The following MEI4 variants were observed in gnomAD, a reference collection of about 807,000 sequenced individuals.
The protein encoded by MEI4 is meiosis-specific protein MEI4.
In MEI4, 27 loss-of-function variants were observed where a neutral mutation model predicts 31.4. That is an observed-to-expected ratio of 0.86 (90% confidence interval 0.63 to 1.19). The LOEUF is 1.19. MEI4 is among the 50% of genes most tolerant of loss of function. The pLI is 0.00. For missense variants in MEI4, 329 were observed against 398.9 expected, an observed-to-expected ratio of 0.82 and a Z score of 1.49; for synonymous variants, 122 against 145.4, an observed-to-expected ratio of 0.84 and a Z score of 1.16.
chr6:77,712,924 T>C (rs1000888608), intron 2 of MEI4, among the ~76,000 whole-genome samples: 3 of 149,734 alleles, frequency 2.0e-5, no homozygotes, highest in Non-Finnish European at 3.0e-5. Flanking sequence ...TGAGCCGAGA[T>C]AGGGCCACTG....
At chr6:77,727,055 C>T (rs370198835) in intron 2 of MEI4, among the ~76,000 whole-genome samples, 1 of 152,070 alleles carries the variant, frequency 6.6e-6, no homozygotes, top group African/African-American at 2.4e-5. Flanking sequence ...TTTTTTGGTA[C>T]CTGCAAGATC....
chr6:77,905,287 C>T (rs1766268623), intron 4 of MEI4, among the ~76,000 whole-genome samples: 1 of 151,968 alleles, frequency 6.6e-6, no homozygotes, highest in Non-Finnish European at 1.5e-5. Flanking sequence ...TTACTAAAAA[C>T]TCCTTTTTCA....
At chr6:77,907,256 T>C (rs748821358) in intron 4 of MEI4, among the ~76,000 whole-genome samples, 7 of 152,092 alleles carry the variant, frequency 4.6e-5, no homozygotes, top group Non-Finnish European at 8.8e-5. Flanking sequence ...CATTTAACAT[T>C]AGGTATATCT....
At chr6:77,905,899 A>T (rs1228300459) in intron 4 of MEI4, among the ~76,000 whole-genome samples, 1 of 150,996 alleles carries the variant, frequency 6.6e-6, no homozygotes, top group Non-Finnish European at 1.5e-5. Context: ...TTGTTCCATA[A>T]ATTCAGTTTT....
At chr6:77,874,037 C>A (rs1017111975) in intron 4 of MEI4, among the ~76,000 whole-genome samples, 1 of 152,072 alleles carries the variant, frequency 6.6e-6, no homozygotes, top group Non-Finnish European at 1.5e-5. Flanking sequence ...GTCAGGTAGC[C>A]TGATGCCTCC....
At chr6:77,726,878 G>A (rs553240822) in intron 2 of MEI4, among the ~76,000 whole-genome samples, 6 of 152,142 alleles carry the variant, frequency 3.9e-5, no homozygotes, top group African/African-American at 4.8e-5. Context: ...ATAAAAAGGA[G>A]TGCTCAAAAG....
At chr6:77,826,416 T>C (rs975599387) in intron 3 of MEI4, among the ~76,000 whole-genome samples, 3 of 152,192 alleles carry the variant, frequency 2.0e-5, no homozygotes, top group African/African-American at 7.2e-5. Flanking sequence ...TGCAAGCACA[T>C]TGGATCTTAC....
intron 1 of MEI4, among the ~76,000 whole-genome samples, chr6:77,655,229 A>G (rs975446949): frequency 1.3e-5 from 2 of 152,216 alleles, no homozygotes; most frequent in African/African-American, 2.4e-5. Context: ...TCCAAAGGAC[A>G]TGAACTCATC....
intron 2 of MEI4, among the ~76,000 whole-genome samples, chr6:77,710,159 T>A (rs1023782297): frequency 2.0e-5 from 3 of 152,220 alleles, no homozygotes; most frequent in African/African-American, 7.2e-5. Context: ...CATTTAACCT[T>A]TTTAACAGTA....
intron 1 of MEI4, among the ~76,000 whole-genome samples, chr6:77,677,666 C>T (rs1041937199): frequency 2.0e-5 from 3 of 152,142 alleles, no homozygotes; most frequent in Non-Finnish European, 4.4e-5. Context: ...ATGTCCTCAC[C>T]TCAGCCTCAA....
chr6:77,750,386 C>G (rs1331444973), intron 2 of MEI4, among the ~76,000 whole-genome samples: 1 of 152,090 alleles, frequency 6.6e-6, no homozygotes, highest in East Asian at 1.9e-4. Context: ...ATCCCACATG[C>G]AAAGACACAC....
At chr6:77,745,493 A>G (rs1767569494) in intron 2 of MEI4, among the ~76,000 whole-genome samples, 1 of 152,194 alleles carries the variant, frequency 6.6e-6, no homozygotes. Flanking sequence ...ACCTACATAG[A>G]GACTTAGACT....
chr6:77,761,217 C>T lies in MEI4; in HGVS notation c.320C>T (p.Ser107Leu), dbSNP rs1424549035. The T allele has an allele frequency of 2.9e-5, 36 of 1,232,202 alleles. No individual in the cohort carries two copies. Among genetic ancestry groups the T allele is most frequent in the South Asian group, 8.2e-5 (2 of 24,316 alleles). 76.3% of individuals were successfully genotyped at this position (1,232,202 alleles called of 1,614,324 possible). ...TSMEDSGCDL[S>L]NEQRTESSDL... ...ATGGAAGATTCTGGATGTGATTTGTCGAATGAGCAGAGAACTGAATCCTCA... is the reference window on the plus strand; with the variant it reads ...ATGGAAGATTCTGGATGTGATTTGTTGAATGAGCAGAGAACTGAATCCTCA... The change falls in exon 3 of 5, where the codon TCG becomes TTG. Residue 107 changes from serine (S) to leucine (L), a missense_variant. By Grantham distance (145) the Ser-to-Leu change is moderately radical. Coordinates refer to ENST00000684080, the MANE Select transcript of MEI4 (RefSeq NM_001322247.2).
chr6:77,680,912 G>A (rs1316720849), intron 1 of MEI4, among the ~76,000 whole-genome samples: 2 of 152,142 alleles, frequency 1.3e-5, no homozygotes, highest in Non-Finnish European at 2.9e-5. Context: ...AAGAAAATCT[G>A]TCTGTGGGAC....
chr6:77,690,613 C>T (rs1025797289), intron 1 of MEI4, 45 bp from the exon 2 acceptor site: 17 of 953,212 alleles, frequency 1.8e-5, no homozygotes, highest in Non-Finnish European at 2.0e-5. Flanking sequence ...ATGCACTGCA[C>T]AAGTTAAAAA....
chr6:77,656,763 A>G (rs1336521895), intron 1 of MEI4, among the ~76,000 whole-genome samples: 1 of 152,180 alleles, frequency 6.6e-6, no homozygotes, highest in Non-Finnish European at 1.5e-5. Flanking sequence ...TCCACTCTTA[A>G]TAATTTAGTT....
intron 3 of MEI4, among the ~76,000 whole-genome samples, chr6:77,767,709 A>C (rs1363992587): frequency 6.6e-6 from 1 of 151,560 alleles, no homozygotes; most frequent in Non-Finnish European, 1.5e-5. Context: ...ACACACACAC[A>C]CACACACACA....
intron 2 of MEI4, among the ~76,000 whole-genome samples, chr6:77,700,484 G>T (rs572134328): frequency 6.6e-6 from 1 of 152,310 alleles, no homozygotes; most frequent in South Asian, 2.1e-4. Context: ...TTTTCCAGGT[G>T]CTGTCTATTA....
chr6:77,794,977 G>A (rs2127697613), intron 3 of MEI4, among the ~76,000 whole-genome samples: 1 of 152,162 alleles, frequency 6.6e-6, no homozygotes, highest in Middle Eastern at 3.4e-3. Context: ...TGAACAACCA[G>A]TGAATAAAAG....
Sources: gnomAD v4.1 joint callset for allele counts (sites outside exome capture counted in the v4.1 genomes callset) on GRCh38, gnomAD v4.1.1 for gene constraint, MANE v1.5 for transcripts, NCBI Gene and HGNC (gene_info 2026-07-23, HGNC 2026-07-21) for gene names.